Variants in P4HA1 observed in about 807,000 individuals in gnomAD.
The protein encoded by P4HA1 is prolyl 4-hydroxylase subunit alpha 1, also known as prolyl 4-hydroxylase subunit alpha-1.
In P4HA1, 24 loss-of-function variants were observed where a neutral mutation model predicts 72.8. The ratio of observed to expected loss-of-function variants is 0.33; its 90% CI spans 0.24 to 0.46. The LOEUF (loss-of-function observed/expected upper bound fraction) is 0.46, where lower values mean the gene tolerates loss of function less well. P4HA1 is among the 20% of genes least tolerant of loss of function. The pLI, the probability that P4HA1 is intolerant of heterozygous loss-of-function variation, is 1.00. For missense variants in P4HA1, 446 were observed against 640.6 expected, an observed-to-expected ratio of 0.70 and a Z score of 3.28; for synonymous variants, 201 against 218.8, an observed-to-expected ratio of 0.92 and a Z score of 0.72.
intron 10 of P4HA1, among the ~76,000 whole-genome samples, chr10:73,020,155 C>A (rs1197910473): frequency 6.6e-6 from 1 of 151,834 alleles, no homozygotes; most frequent in Non-Finnish European, 1.5e-5. Context: ...AGCAAGATAG[C>A]TAGATTAACA....
At chr10:73,039,195 G>T (rs951628375) in intron 9 of P4HA1, among the ~76,000 whole-genome samples, 3 of 152,010 alleles carry the variant, frequency 2.0e-5, no homozygotes, top group Non-Finnish European at 4.4e-5. Context: ...GAGGTAGGAA[G>T]ATCACTTCTG....
chr10:73,093,907 T>TATACACAC (rs1256283876), intron 1 of P4HA1, among the ~76,000 whole-genome samples: 2 of 55,592 alleles, frequency 3.6e-5, no homozygotes, highest in East Asian at 7.5e-4. Flanking sequence ...TATATATATA[T>TATACACAC]ACACACACAC....
intron 10 of P4HA1, 41 bp from the exon 11 acceptor site, chr10:73,016,940 A>C (rs2133039244): frequency 2.6e-6 from 4 of 1,517,694 alleles, no homozygotes; most frequent in East Asian, 2.3e-5. Flanking sequence ...AGAACTATAA[A>C]GATTACTATT....
intron 9 of P4HA1, chr10:73,043,857 T>C (rs201474769): frequency 2.4e-5 from 36 of 1,490,682 alleles, no homozygotes; most frequent in Non-Finnish European, 7.5e-6. Context: ...GGTCCAAATA[T>C]GACTAAAGTT....
rs1392977554 is a variant in P4HA1 at position 73,072,188 on chromosome 10, TGTAAAAC to T, written c.174-15_174-9del. On this transcript the variant is annotated splice_polypyrimidine_tract_variant and intron_variant, in intron 3 of 14. Transcript: ENST00000394890. ...TCTAACTTCTCTGCCCATCTACAGA[TGTAAAAC>T]ATAAAAACTGAATATTTATATTTCA... is the stretch of plus-strand genomic sequence containing the variant. 6.2e-7 allele frequency: 1 copy of T among 1,600,498 alleles called. No homozygotes were observed.
intron 5 of P4HA1, among the ~76,000 whole-genome samples, chr10:73,062,037 A>G (rs1332717133): frequency 6.6e-6 from 1 of 152,226 alleles, no homozygotes; most frequent in Non-Finnish European, 1.5e-5. Context: ...AAATTTTAAT[A>G]AAGACCTGAT....
chr10:73,027,300 G>C (rs1000264702), intron 10 of P4HA1, among the ~76,000 whole-genome samples: 1 of 151,968 alleles, frequency 6.6e-6, no homozygotes, highest in African/African-American at 2.4e-5. Context: ...CCTTTGCAGG[G>C]ACATGGATGA....
At chr10:73,053,268 T>C in intron 6 of P4HA1, 83 bp downstream of exon 6, 1 of 1,333,686 alleles carries the variant, frequency 7.5e-7, no homozygotes, top group South Asian at 1.4e-5. Flanking sequence ...AAATACCATA[T>C]ATAAATGAGG....
chr10:73,059,005 T>C (rs1490590492), intron 5 of P4HA1, among the ~76,000 whole-genome samples: 1 of 152,034 alleles, frequency 6.6e-6, no homozygotes, highest in Non-Finnish European at 1.5e-5. Flanking sequence ...CTCAAACTCC[T>C]GACCTCAGGT....
At chr10:73,062,335 T>C (rs1841331012) in intron 5 of P4HA1, among the ~76,000 whole-genome samples, 2 of 152,210 alleles carry the variant, frequency 1.3e-5, no homozygotes, top group South Asian at 4.1e-4. Context: ...TTTTATGCTG[T>C]TACACAGAAA....
chr10:73,029,280 G>A (rs543050737), intron 10 of P4HA1, among the ~76,000 whole-genome samples: 43 of 150,874 alleles, frequency 2.9e-4, no homozygotes, highest in East Asian at 4.0e-4. Flanking sequence ...GTGTGGTGGC[G>A]CATGCCTGTA....
chr10:73,021,215 G>A (rs1375497198), intron 10 of P4HA1, among the ~76,000 whole-genome samples: 3 of 152,122 alleles, frequency 2.0e-5, no homozygotes, highest in African/African-American at 7.2e-5. Flanking sequence ...TACACTGCTG[G>A]TGGGAATGTA....
chr10:73,089,872 C>T (rs1186237323), intron 1 of P4HA1, among the ~76,000 whole-genome samples: 2 of 152,042 alleles, frequency 1.3e-5, no homozygotes, highest in African/African-American at 2.4e-5. Context: ...AGGATACTGC[C>T]GATGCCCCGG....
intron 9 of P4HA1, among the ~76,000 whole-genome samples, chr10:73,031,896 C>T (rs1161075391): frequency 6.6e-6 from 1 of 152,208 alleles, no homozygotes; most frequent in Non-Finnish European, 1.5e-5. Context: ...CTTCTCCTCT[C>T]ACTGAGCTTT....
At chr10:73,020,340 CTG>C (rs1840105747) in intron 10 of P4HA1, among the ~76,000 whole-genome samples, 1 of 151,924 alleles carries the variant, frequency 6.6e-6, no homozygotes, top group African/African-American at 2.4e-5. Flanking sequence ...CCTCCCAAGA[CTG>C]AAACAGAAAA....
intron 5 of P4HA1, among the ~76,000 whole-genome samples, chr10:73,064,481 AAAAATAAAG>A (rs1374428930): frequency 3.3e-5 from 5 of 150,746 alleles, no homozygotes; most frequent in Non-Finnish European, 4.4e-5. Context: ...CCTGTCTCAA[AAAAATAAAG>A]AAAATAAAGA....
intron 5 of P4HA1, among the ~76,000 whole-genome samples, chr10:73,066,064 TAGTC>T (rs1841414329): frequency 6.6e-6 from 1 of 152,228 alleles, no homozygotes; most frequent in Admixed American, 6.5e-5. Flanking sequence ...AAGTTCAGAA[TAGTC>T]ATTACCTCTA....
intron 5 of P4HA1, among the ~76,000 whole-genome samples, chr10:73,058,775 T>A (rs1841223472): frequency 1.0e-5 from 1 of 97,490 alleles, no homozygotes; most frequent in South Asian, 3.9e-4. Context: ...TATAGTATGC[T>A]TTTTTTTTTT....
chr10:73,066,032 A>T (rs1841412962), intron 5 of P4HA1, among the ~76,000 whole-genome samples: 1 of 152,222 alleles, frequency 6.6e-6, no homozygotes, highest in African/African-American at 2.4e-5. Flanking sequence ...ATAAAGTATA[A>T]AAAGATGACA....
Sources: allele counts gnomAD v4.1 joint callset (sites outside exome capture counted in the v4.1 genomes callset), GRCh38; gene constraint gnomAD v4.1.1; transcripts MANE v1.5; gene names NCBI Gene and HGNC (gene_info 2026-07-23, HGNC 2026-07-21).